Variants in LDAH observed in about 807,000 individuals in gnomAD.
LDAH encodes the protein lipid droplet associated hydrolase.
A neutral mutation model predicts 29.6 loss-of-function variants in LDAH; 26 were observed. The observed-to-expected ratio is 0.88, with a 90% CI of 0.64 to 1.22. The LOEUF is 1.22. Among genes scored for constraint, LDAH ranks in the 50% most tolerant of loss-of-function variants. The pLI, the probability that LDAH is intolerant of heterozygous loss-of-function variation, is 0.00. For synonymous variants in LDAH, 117 were observed against 133.0 expected, an observed-to-expected ratio of 0.88 and a Z score of 0.83; for missense variants, 344 against 387.3, an observed-to-expected ratio of 0.89 and a Z score of 0.94.
chr2:20,764,486 T>C (rs1252676662), intron 4 of LDAH, among the ~76,000 whole-genome samples: 1 of 152,166 alleles, frequency 6.6e-6, no homozygotes, highest in Non-Finnish European at 1.5e-5. Flanking sequence ...GGACTCTGAT[T>C]TACTATCTTT....
intron 5 of LDAH, among the ~76,000 whole-genome samples, chr2:20,712,702 T>A (rs1664859465): frequency 6.6e-6 from 1 of 152,186 alleles, no homozygotes; most frequent in African/African-American, 2.4e-5. Context: ...AATGACCTGA[T>A]GGAGCTGAAA....
intron 5 of LDAH, among the ~76,000 whole-genome samples, chr2:20,727,835 T>C (rs1401372349): frequency 2.0e-5 from 3 of 152,304 alleles, no homozygotes; most frequent in South Asian, 2.1e-4. Context: ...TAAAATAACC[T>C]AGTTAACAAA....
rs1013077414 is a variant in LDAH at position 20,698,487 on chromosome 2, A to G, written c.786+3083T>C. 1.3e-5 allele frequency among the ~76,000 whole-genome samples: 2 copies of G among 152,152 alleles called. No homozygotes were observed. Among genetic ancestry groups the G allele is most frequent in the Non-Finnish European group, 2.9e-5 (2 of 68,030 alleles). On this transcript the variant is annotated intron_variant, in intron 6 of 6. Transcript: ENST00000237822. This position sits in a 1 kb window ranked among gnomAD's most constrained non-coding sequence, Gnocchi z 4.4. Reference sequence around the variant, plus strand: ...GGTAAATCACAAGGTCAGGAGTTTGAGACCAGCCTGACCAACATGGTGAAA... The same window carrying G: ...GGTAAATCACAAGGTCAGGAGTTTGGGACCAGCCTGACCAACATGGTGAAA...
chr2:20,689,417 G>A (rs928039974), intron 6 of LDAH, among the ~76,000 whole-genome samples: 1 of 152,136 alleles, frequency 6.6e-6, no homozygotes, highest in African/African-American at 2.4e-5. Flanking sequence ...GAGAATATGA[G>A]AGCCTAGCAG....
intron 1 of LDAH, among the ~76,000 whole-genome samples, chr2:20,815,403 C>A (rs891605831): frequency 1.3e-5 from 2 of 151,748 alleles, no homozygotes; most frequent in African/African-American, 4.8e-5. Flanking sequence ...CACAATTTGA[C>A]AAAAGACATA....
chr2:20,773,541 A>G (rs1379528486), intron 4 of LDAH, among the ~76,000 whole-genome samples: 5 of 152,200 alleles, frequency 3.3e-5, no homozygotes, highest in Non-Finnish European at 5.9e-5. Flanking sequence ...AAGACACCTT[A>G]TTTAGGGAAA....
intron 2 of LDAH, among the ~76,000 whole-genome samples, chr2:20,793,199 A>T (rs12469525): frequency 0.037 from 5,619 of 152,234 alleles, 132 homozygotes; most frequent in Middle Eastern, 0.051. Flanking sequence ...ACAACACATA[A>T]CTAAATAGGT....
intron 4 of LDAH, among the ~76,000 whole-genome samples, chr2:20,755,822 G>C (rs1194922137): frequency 1.3e-5 from 2 of 152,184 alleles, no homozygotes; most frequent in Non-Finnish European, 2.9e-5. Flanking sequence ...CCAGCTCCTT[G>C]AGCTGTTTGC....
At chr2:20,789,276 G>A (rs1670773033) in intron 3 of LDAH, 2 of 1,550,388 alleles carry the variant, frequency 1.3e-6, no homozygotes, top group Non-Finnish European at 1.7e-6. Context: ...TGAGGGTAGA[G>A]CCCGCGAGAG....
At chr2:20,773,920 AC>A (rs1188010262) in intron 4 of LDAH, among the ~76,000 whole-genome samples, 15 of 152,088 alleles carry the variant, frequency 9.9e-5, no homozygotes, top group Middle Eastern at 3.4e-3. Context: ...ATGCTCCCAC[AC>A]CCCCTGAACT....
At chr2:20,762,290 G>A (rs997700000) in intron 4 of LDAH, among the ~76,000 whole-genome samples, 2 of 151,848 alleles carry the variant, frequency 1.3e-5, no homozygotes, top group African/African-American at 4.8e-5. Flanking sequence ...AGAATTAGTA[G>A]GTTCAAAGGG....
intron 2 of LDAH, among the ~76,000 whole-genome samples, chr2:20,791,635 T>C (rs1670957227): frequency 6.6e-6 from 1 of 152,194 alleles, no homozygotes; most frequent in African/African-American, 2.4e-5. Context: ...GGTCAGTTTA[T>C]TGGCCACTGT....
chr2:20,754,215 C>G (rs998754825), intron 4 of LDAH, among the ~76,000 whole-genome samples: 1 of 151,950 alleles, frequency 6.6e-6, no homozygotes. Flanking sequence ...AGGCTGGGCG[C>G]GGTGGCTCAT....
At position 20,712,631 on chromosome 2, in the gene LDAH, A is replaced by G. The variant is rs539596841; in HGVS notation, c.704-10979T>C. On this transcript the variant is annotated intron_variant, in intron 5 of 6. Coordinates refer to ENST00000237822, the MANE Select transcript of LDAH (RefSeq NM_021925.4). ...TTCAAACCCATCACAAGGAAGCTAA[A>G]AACCTTGAAAAAAGATTAGGTGAAT... 2.0e-5 allele frequency among the ~76,000 whole-genome samples: 3 copies of G among 152,338 alleles called. No individual in the cohort carries two copies. The East Asian group carries it at 5.8e-4, about 29-fold the overall frequency.
chr2:20,728,045 T>G (rs895479266), intron 5 of LDAH, among the ~76,000 whole-genome samples: 28 of 152,134 alleles, frequency 1.8e-4, no homozygotes, highest in Admixed American at 1.4e-3. Flanking sequence ...ATTTGAATAT[T>G]TTGGTTCCTA....
At chr2:20,821,135 T>C (rs1471831840) in intron 1 of LDAH, among the ~76,000 whole-genome samples, 1 of 152,110 alleles carries the variant, frequency 6.6e-6, no homozygotes, top group Non-Finnish European at 1.5e-5. Flanking sequence ...GGAGAAGATG[T>C]GGAGAAACAG....
chr2:20,704,841 A>T (rs552773498), intron 5 of LDAH, among the ~76,000 whole-genome samples: 2 of 152,340 alleles, frequency 1.3e-5, no homozygotes, highest in South Asian at 4.1e-4. Context: ...TCAAAAATGC[A>T]TCAGATTTTA....
At chr2:20,737,857 C>G (rs974223265) in intron 5 of LDAH, among the ~76,000 whole-genome samples, 2 of 152,080 alleles carry the variant, frequency 1.3e-5, no homozygotes, top group African/African-American at 4.8e-5. Context: ...GTTAAGGGAA[C>G]AAATTAATAA....
Position 20,684,793 on chromosome 2 carries a change from C to T in LDAH, c.*2110G>A. ...AAGTTAAAACTTTCACAAAGACCAT[C>T]CATGTGGTTGACTGGGACATACAGG... On this transcript the variant is annotated 3_prime_UTR_variant, in exon 7 of 7. Transcript: ENST00000237822. 7.1e-7 allele frequency: 1 copy of T among 1,409,738 alleles called. No individual in the cohort carries two copies. The highest frequency in any genetic ancestry group is 9.6e-7 in the Non-Finnish European group (1 of 1,041,102). 87.3% of individuals were successfully genotyped at this position (1,409,738 alleles called of 1,614,324 possible). A position where few individuals can be genotyped will look rare whatever the true frequency, so the allele number is the denominator to read the frequency against.
Sources: gnomAD v4.1 joint callset for allele counts (sites outside exome capture counted in the v4.1 genomes callset) on GRCh38, gnomAD v4.1.1 for gene constraint, Gnocchi (gnomAD v3.1) non-coding constraint, MANE v1.5 for transcripts, NCBI Gene and HGNC (gene_info 2026-07-23, HGNC 2026-07-21) for gene names.